The following ASRGL1 variants were observed in gnomAD, a reference collection of about 807,000 sequenced individuals.
ASRGL1 encodes asparaginase and isoaspartyl peptidase 1.
Under a neutral mutation model 22.4 loss-of-function variants are expected in ASRGL1, and 16 were observed. The ratio of observed to expected loss-of-function variants is 0.71; its 90% CI spans 0.48 to 1.08. The LOEUF is 1.08. Ranked by LOEUF, ASRGL1 falls within the 50% of genes least tolerant of loss-of-function variation. ASRGL1 has a pLI of 0.00. For synonymous variants in ASRGL1, 165 were observed against 159.3 expected, an observed-to-expected ratio of 1.04 and a Z score of -0.27; for missense variants, 412 against 410.1, an observed-to-expected ratio of 1.00 and a Z score of -0.04.
At chr11:62,362,629 A>T (rs1307042729) in intron 4 of ASRGL1, among the ~76,000 whole-genome samples, 1 of 50,032 alleles carries the variant, frequency 2.0e-5, no homozygotes, top group African/African-American at 1.0e-4. Context: ...ATATTATATA[A>T]AATATATATA....
intron 2 of ASRGL1, among the ~76,000 whole-genome samples, chr11:62,353,744 C>A (rs1676471548): frequency 6.6e-6 from 1 of 152,086 alleles, no homozygotes; most frequent in African/African-American, 2.4e-5. Context: ...GTTCTTGGTT[C>A]TTCATATGAT....
chr11:62,372,963 TG>T, intron 4 of ASRGL1: 1 of 1,479,126 alleles, frequency 6.8e-7, no homozygotes, highest in Non-Finnish European at 9.4e-7. Flanking sequence ...CACCATCAGC[TG>T]GGGCCCATCA....
chr11:62,362,987 C>T (rs1377105674), intron 4 of ASRGL1, among the ~76,000 whole-genome samples: 2 of 118,312 alleles, frequency 1.7e-5, no homozygotes, highest in African/African-American at 3.3e-5. Context: ...AGCACAATCT[C>T]GGCTTACTGC....
At position 62,371,953 on chromosome 11, in the gene ASRGL1, CAAAAAAA is replaced by C. The variant is rs35892721; in HGVS notation, c.491+14824_491+14830del. 5.1e-3 allele frequency: 2,140 copies of C among 423,256 alleles called. 33 individuals carry two copies. Among genetic ancestry groups the C allele is most frequent in the African/African-American group, 0.047 (1,495 of 31,944 alleles). 26.2% of individuals were successfully genotyped at this position (423,256 alleles called of 1,614,324 possible). ...TGGGCAACAGAGCAAGACTCCGTCT[CAAAAAAA>C]AAAAAAAAAAAAAAGTTCCTAAACA... On this transcript the variant is annotated intron_variant, in intron 4 of 6. Coordinates refer to ENST00000415229, the MANE Select transcript of ASRGL1 (RefSeq NM_001083926.2).
downstream of ASRGL1, among the ~76,000 whole-genome samples, chr11:62,394,183 T>TATATATACTATTATATATAATATATG (rs1947401493): frequency 1.4e-5 from 2 of 138,922 alleles, no homozygotes; most frequent in Middle Eastern, 3.3e-3. Context: ...ATCATATAAA[T>TATATATACTATTATATATAATATATG]ATATATACTA....
chr11:62,373,503 A>G lies in ASRGL1; in HGVS notation c.492-15630A>G, dbSNP rs115417670. Among the ~76,000 whole-genome samples the G allele has an allele frequency of 4.6e-3, 700 of 152,144 alleles. 7 individuals carry two copies. Among genetic ancestry groups the G allele is most frequent in the African/African-American group, 0.015 (640 of 41,474 alleles). ...TTCCTCTCCTGAATACACTCCCCAA[A>G]ACACTCCTTTCCAGTTATAATTAGC... On this transcript the variant is annotated intron_variant, in intron 4 of 6. Transcript: ENST00000415229.
intron 2 of ASRGL1, among the ~76,000 whole-genome samples, chr11:62,344,866 A>G (rs1590704666): frequency 6.6e-6 from 1 of 151,758 alleles, no homozygotes; most frequent in African/African-American, 2.4e-5. Context: ...CTTCTGCCCC[A>G]CCCCCACTAT....
At chr11:62,355,966 G>C (rs890395384) in intron 2 of ASRGL1, among the ~76,000 whole-genome samples, 22 of 152,308 alleles carry the variant, frequency 1.4e-4, no homozygotes, top group Non-Finnish European at 2.5e-4. Context: ...AGGATCCCAA[G>C]GCAGAAGAAT....
chr11:62,337,668 A>G, intron 1 of ASRGL1, 94 bp downstream of exon 1: 1 of 333,252 alleles, frequency 3.0e-6, no homozygotes, highest in Non-Finnish European at 5.5e-6. Flanking sequence ...CGAAATAGAC[A>G]TCCTCCTTCG....
chr11:62,386,577 G>C (rs1947217081), intron 4 of ASRGL1, among the ~76,000 whole-genome samples: 1 of 128,344 alleles, frequency 7.8e-6, no homozygotes, highest in Non-Finnish European at 1.8e-5. Context: ...GAGGGTCTTG[G>C]AACGTATCCC....
At chr11:62,355,987 A>G (rs914529707) in intron 2 of ASRGL1, among the ~76,000 whole-genome samples, 13 of 152,374 alleles carry the variant, frequency 8.5e-5, no homozygotes, top group African/African-American at 1.4e-4. Context: ...TTTTCTTAGT[A>G]CAGAACAAGA....
At chr11:62,372,594 A>G (rs1946802800) in intron 4 of ASRGL1, 2 of 883,012 alleles carry the variant, frequency 2.3e-6, no homozygotes, top group Non-Finnish European at 1.9e-6. Context: ...TGTACCAAAT[A>G]TGGTTATGCG....
intron 4 of ASRGL1, among the ~76,000 whole-genome samples, chr11:62,357,873 G>A (rs554055567): frequency 1.0e-3 from 159 of 152,106 alleles, no homozygotes; most frequent in Non-Finnish European, 1.5e-3. Context: ...TATTGACTCC[G>A]CATACTTTTT....
intron 5 of ASRGL1, chr11:62,389,541 G>A (rs576826609): frequency 4.6e-6 from 2 of 436,920 alleles, no homozygotes; most frequent in South Asian, 4.1e-5. Context: ...AGTCTACCCT[G>A]TCGTGATTCT....
intron 4 of ASRGL1, among the ~76,000 whole-genome samples, chr11:62,362,721 T>C (rs1416343180): frequency 5.3e-5 from 4 of 75,112 alleles, no homozygotes; most frequent in Non-Finnish European, 1.0e-4. Context: ...ATATTATATG[T>C]TATATATAAA....
chr11:62,386,504 A>G (rs1467906094), intron 4 of ASRGL1, among the ~76,000 whole-genome samples: 1 of 66,850 alleles, frequency 1.5e-5, no homozygotes. Flanking sequence ...ATATATAGAT[A>G]TGTATAGGGG....
chr11:62,361,840 G>C (rs7481995), intron 4 of ASRGL1, among the ~76,000 whole-genome samples: 129,537 of 152,124 alleles, frequency 0.85, 55,630 homozygotes, highest in East Asian at 1. Context: ...CCGTGGTACT[G>C]ATAGTACCAT....
intron 4 of ASRGL1, chr11:62,371,332 G>A (rs533795186): frequency 7.3e-6 from 9 of 1,239,404 alleles, no homozygotes; most frequent in African/African-American, 1.6e-5. Flanking sequence ...CCCCGGCAGG[G>A]GCAAGCGCGC....
the ASRGL1 span, among the ~76,000 whole-genome samples, chr11:62,399,867 C>G: frequency 6.6e-6 from 1 of 152,202 alleles, no homozygotes; most frequent in African/African-American, 2.4e-5. Flanking sequence ...CACAGCCTGG[C>G]TTTTGAGCCC....
Sources: allele counts gnomAD v4.1 joint callset (sites outside exome capture counted in the v4.1 genomes callset), GRCh38; gene constraint gnomAD v4.1.1; transcripts MANE v1.5; gene names NCBI Gene and HGNC (gene_info 2026-07-23, HGNC 2026-07-21).